ZBTB20: variants seen among roughly 807,000 people sequenced by gnomAD.
ZBTB20 encodes zinc finger and BTB domain-containing protein 20.
ZBTB20 carries 9 observed loss-of-function variants against 56.9 expected under a neutral mutation model. The observed-to-expected ratio is 0.16, with a 90% CI of 0.10 to 0.28. ZBTB20 has a LOEUF of 0.28. Among genes scored for constraint, ZBTB20 ranks in the 10% least tolerant of loss-of-function variants. The pLI is 1.00. For missense variants in ZBTB20, 655 were observed against 1,003.0 expected, an observed-to-expected ratio of 0.65 and a Z score of 4.69; for synonymous variants, 417 against 420.7, an observed-to-expected ratio of 0.99 and a Z score of 0.11.
rs770352308 is a variant in ZBTB20 at position 114,351,229 on chromosome 3, T to G, written c.849A>C (p.Glu283Asp). The change falls in exon 11 of 12, where the codon GAA becomes GAC. Residue 283 changes from glutamate to aspartate, a missense_variant. Around this residue, in one of 10 missense-constraint regions of ZBTB20, gnomAD observed 167 missense variants for 281.9 expected, o/e 0.59. Coordinates refer to ENST00000675478, the MANE Select transcript of ZBTB20 (RefSeq NM_001348800.3). ...ALGLPRDHHM[E>D]DPSWITRIHE... is the part of the protein sequence containing the mutation. Reference sequence around the variant, plus strand: ...GGATGCGTGTGATCCAGCTGGGGTCTTCCATGTGGTGGTCGCGGGGCAGGC... The same window carrying G: ...GGATGCGTGTGATCCAGCTGGGGTCGTCCATGTGGTGGTCGCGGGGCAGGC... 9.4e-6 allele frequency: 15 copies of G among 1,600,484 alleles called. No homozygotes were observed. Among genetic ancestry groups the G allele is most frequent in the Middle Eastern group, 3.3e-4 (2 of 6,054 alleles).
chr3:114,775,583 T>G (rs1163671040), intron 5 of ZBTB20, among the ~76,000 whole-genome samples: 1 of 152,136 alleles, frequency 6.6e-6, no homozygotes, highest in African/African-American at 2.4e-5. Flanking sequence ...AGAAAACTGT[T>G]TGTTTGCTCT....
intron 5 of ZBTB20, among the ~76,000 whole-genome samples, chr3:114,759,898 A>G (rs1405978461): frequency 1.3e-5 from 2 of 152,178 alleles, no homozygotes; most frequent in Non-Finnish European, 2.9e-5. Context: ...GTGCAAATAA[A>G]AATAAGGATT....
chr3:114,757,933 T>C (rs1049143199), intron 5 of ZBTB20, among the ~76,000 whole-genome samples: 21 of 152,158 alleles, frequency 1.4e-4, no homozygotes, highest in Non-Finnish European at 1.5e-5. Context: ...ATGTAGATGT[T>C]ATATTGTTAA....
At chr3:114,759,650 T>C (rs985526194) in intron 5 of ZBTB20, among the ~76,000 whole-genome samples, 1 of 152,110 alleles carries the variant, frequency 6.6e-6, no homozygotes, top group Non-Finnish European at 1.5e-5. Context: ...TGTCAGATTT[T>C]CTCTTATCCT....
chr3:114,900,434 A>T (rs2107666048), intron 3 of ZBTB20, 92 bp from the exon 4 acceptor site: 1 of 152,072 alleles, frequency 6.6e-6, no homozygotes, highest in African/African-American at 2.4e-5. Context: ...GAAGTAGGAA[A>T]AGTTTCAGTG....
chr3:114,937,816 G>A (rs1338535212), intron 3 of ZBTB20, among the ~76,000 whole-genome samples: 1 of 152,024 alleles, frequency 6.6e-6, no homozygotes, highest in Admixed American at 6.6e-5. Context: ...TTAAGTTCCT[G>A]GCCGGGCACG....
Position 114,891,864 on chromosome 3 carries a change from T to C in ZBTB20, c.-417+8440A>G, listed in dbSNP as rs371137014. ...GAGTTTGAGACCAGCCCGGGCAACA[T>C]GGTGAAACCCCGTCTCTACTAAAAT... On this transcript the variant is annotated intron_variant, in intron 4 of 11. Transcript: ENST00000675478. Among the ~76,000 whole-genome samples, 9 of 152,126 alleles carry C rather than the reference T, an allele frequency of 5.9e-5. 1 individual carries two copies. In the East Asian group the frequency reaches 1.5e-3, roughly 26 times the overall value.
intron 2 of ZBTB20, among the ~76,000 whole-genome samples, chr3:115,040,651 T>C (rs2081104361): frequency 6.6e-6 from 1 of 152,080 alleles, no homozygotes; most frequent in Non-Finnish European, 1.5e-5. Context: ...GACTAAATAT[T>C]TGGGGTCAAT....
chr3:114,844,527 A>AAAAAAAAC (rs2074568646), intron 4 of ZBTB20, among the ~76,000 whole-genome samples: 1 of 132,594 alleles, frequency 7.5e-6, no homozygotes, highest in Non-Finnish European at 1.6e-5. Flanking sequence ...TCTCAAAAAA[A>AAAAAAAAC]AAAAAAAAAA....
chr3:114,782,266 A>T (rs1159960255), intron 5 of ZBTB20, among the ~76,000 whole-genome samples: 1 of 152,084 alleles, frequency 6.6e-6, no homozygotes, highest in Non-Finnish European at 1.5e-5. Context: ...TGTCCCATTC[A>T]CTTTTGCTCA....
At chr3:114,979,344 G>A (rs940211253) in intron 2 of ZBTB20, among the ~76,000 whole-genome samples, 64 of 151,928 alleles carry the variant, frequency 4.2e-4, no homozygotes, top group Admixed American at 3.9e-3. Flanking sequence ...TTGGAAATAG[G>A]AGTAGTATAA....
At chr3:114,959,326 T>C (rs2077359489) in intron 3 of ZBTB20, among the ~76,000 whole-genome samples, 8 of 152,054 alleles carry the variant, frequency 5.3e-5, no homozygotes, top group Admixed American at 5.2e-4. Context: ...ATGACAAAAT[T>C]AACAAACATG....
intron 5 of ZBTB20, among the ~76,000 whole-genome samples, chr3:114,697,126 T>C (rs1336748000): frequency 6.8e-6 from 1 of 147,066 alleles, no homozygotes; most frequent in African/African-American, 2.5e-5. Flanking sequence ...GAGCTTTATA[T>C]AGCTCCCAAA....
intron 3 of ZBTB20, among the ~76,000 whole-genome samples, chr3:114,971,665 T>C (rs2077889678): frequency 6.6e-6 from 1 of 152,156 alleles, no homozygotes; most frequent in Admixed American, 6.5e-5. Context: ...TTAACTGGTG[T>C]ATGAGAAGAA....
intron 4 of ZBTB20, among the ~76,000 whole-genome samples, chr3:114,868,617 A>G (rs2075866937): frequency 6.6e-6 from 1 of 152,220 alleles, no homozygotes; most frequent in Non-Finnish European, 1.5e-5. Context: ...ATGCTTAAAT[A>G]TACAAAGAAA....
chr3:115,033,892 G>C (rs1186142194), intron 2 of ZBTB20, among the ~76,000 whole-genome samples: 1 of 151,478 alleles, frequency 6.6e-6, no homozygotes, highest in Non-Finnish European at 1.5e-5. Flanking sequence ...CATATTAAAA[G>C]GATTTTACCC....
In ZBTB20 at chr3:114,787,331, TTATATATATATATATATA is replaced by T. The variant is rs138181405; in HGVS notation, c.-343+13752_-343+13769del. Among the ~76,000 whole-genome samples the T allele has an allele frequency of 4.3e-3, 433 of 100,582 alleles. 7 individuals carry two copies. Among genetic ancestry groups the T allele is most frequent in the Middle Eastern group, 9.4e-3 (2 of 212 alleles). 66.0% of individuals were successfully genotyped at this position (100,582 alleles called of 152,430 possible). A position where few individuals can be genotyped will look rare whatever the true frequency, so the allele number is the denominator to read the frequency against. On this transcript the variant is annotated intron_variant, in intron 5 of 11. Transcript: ENST00000675478. ...AGTGAAAGAAGCCAGTCTTAAAAGG[TTATATATATATATATATA>T]TATATATATATATATATATACACAC...
At position 114,604,945 on chromosome 3, in the gene ZBTB20, C is replaced by T. The variant is rs1176652409; in HGVS notation, c.-295+88583G>A. 2.0e-5 allele frequency among the ~76,000 whole-genome samples: 3 copies of T among 151,974 alleles called. No homozygotes were observed. In the East Asian group the frequency reaches 5.8e-4, roughly 29 times the overall value. On this transcript the variant is annotated intron_variant, in intron 6 of 11. Transcript: ENST00000675478. The stretch of plus-strand genomic sequence containing the variant: ...TTGTTGCTACGTAATAAGAACAAAA[C>T]ACATTTCTTGAGGAATTTTAATGTG...
chr3:114,569,382 A>G (rs1219162752), intron 6 of ZBTB20, among the ~76,000 whole-genome samples: 2 of 152,208 alleles, frequency 1.3e-5, no homozygotes, highest in South Asian at 4.1e-4. Flanking sequence ...AGAATCAGGA[A>G]ACTCAAGTTT....
Sources: allele counts gnomAD v4.1 joint callset (sites outside exome capture counted in the v4.1 genomes callset), GRCh38; gene constraint gnomAD v4.1.1; regional missense constraint gnomAD v4.1.1; transcripts MANE v1.5; gene names NCBI Gene and HGNC (gene_info 2026-07-23, HGNC 2026-07-21).